SLC25A6: variants seen among roughly 807,000 people sequenced by gnomAD.
SLC25A6 encodes the protein ADP/ATP translocase 3.
Under a neutral mutation model 25.7 loss-of-function variants are expected in SLC25A6, and 9 were observed. The observed-to-expected ratio is 0.35, with a 90% CI of 0.21 to 0.61. The LOEUF (loss-of-function observed/expected upper bound fraction) is 0.61. Ranked by LOEUF, SLC25A6 falls within the 20% of genes least tolerant of loss-of-function variation. The probability of loss-of-function intolerance (pLI) is 0.76; values close to 1 mark genes in which losing one functional copy is unlikely to be tolerated. For missense variants in SLC25A6, 404 were observed against 440.5 expected (o/e 0.92, Z 0.74); for synonymous variants, 223 against 197.0 (o/e 1.13, Z -1.11).
In SLC25A6 at chrX:1,392,032, C is replaced by A. The variant is rs774301465; in HGVS notation, c.-23G>T. 1.9e-6 allele frequency: 3 copies of A among 1,567,368 alleles called. No homozygotes were observed. Among genetic ancestry groups the A allele is most frequent in the Non-Finnish European group, 2.6e-6 (3 of 1,147,148 alleles). On this transcript the variant is annotated 5_prime_UTR_variant, in exon 1 of 4. Transcript: ENST00000381401. ...CATGGTGGCAGGGCGGGCAGCGGAACGGGAGGACAGCCGGAGAACGGGCGC... is the reference window on the plus strand; with the variant it reads ...CATGGTGGCAGGGCGGGCAGCGGAAAGGGAGGACAGCCGGAGAACGGGCGC...
intron 1 of SLC25A6, 60 bp downstream of exon 1, chrX:1,391,839 C>G: frequency 8.8e-6 from 12 of 1,361,096 alleles, no homozygotes; most frequent in South Asian, 7.6e-5. Flanking sequence ...CGTCCCCGCC[C>G]GACCCGGCCA....
chrX:1,386,676 A>G lies in SLC25A6; in HGVS notation c.823T>C (p.Trp275Arg), dbSNP rs2089328928. The G allele has an allele frequency of 1.2e-6, 2 of 1,613,246 alleles. No individual in the cohort carries two copies. Among genetic ancestry groups the G allele is most frequent in the Non-Finnish European group, 1.7e-6 (2 of 1,179,530 alleles). ...CCCATGCCCCGCAGGACGTTGGACC[A>G]CGCACCCTTGAAGAAGGCCTTGCCC... ...EGGKAFFKGA[W>R]SNVLRGMGGA... Residue 275 changes from tryptophan (W) to arginine (R), a missense_variant, in exon 4 of 4, where the codon TGG becomes CGG. Coordinates refer to ENST00000381401, the MANE Select transcript of SLC25A6 (RefSeq NM_001636.4).
In SLC25A6 at chrX:1,389,566, G is replaced by C; in HGVS notation, c.273C>G (p.Phe91Leu). The change falls in exon 2 of 4, where the codon TTC becomes TTG. Residue 91 changes from phenylalanine to leucine, a missense_variant. Transcript: ENST00000381401. Reference protein sequence around the residue: ...YFPTQALNFAFKDKYKQIFLG... With the variant: ...YFPTQALNFALKDKYKQIFLG... ...GGAAGATCTGCTTGTACTTATCCTT[G>C]AAGGCGAAGTTGAGGGCTTGAGTGG... 1 of 1,614,166 alleles carries C rather than the reference G, an allele frequency of 6.2e-7. No individual in the cohort carries two copies. Among genetic ancestry groups the C allele is most frequent in the Admixed American group, 1.7e-5 (1 of 60,006 alleles).
rs11211819 is a variant in SLC25A6 at position 1,386,577 on chromosome X, G to T, written c.*25C>A. 52 of 1,522,482 alleles carry T rather than the reference G, an allele frequency of 3.4e-5. No homozygotes were observed. The highest frequency in any genetic ancestry group is 4.6e-5 in the Non-Finnish European group (52 of 1,137,250). 94.3% of individuals were successfully genotyped at this position (1,522,482 alleles called of 1,614,324 possible). Reference sequence around the variant, plus strand: ...TTCTCTTGGTTCCCCTGGTGTGTGTGTGTGTGTGGAGGAGGCCGCGGCCCT... The same window carrying T: ...TTCTCTTGGTTCCCCTGGTGTGTGTTTGTGTGTGGAGGAGGCCGCGGCCCT... On this transcript the variant is annotated 3_prime_UTR_variant, in exon 4 of 4. Transcript: ENST00000381401.
In SLC25A6 at chrX:1,389,220, C is replaced by T. The variant is rs201550393; in HGVS notation, c.598+21G>A. Reference sequence around the variant, plus strand: ...TGTGTTGAGCCCGTCTCTGGGACTTCGCGATGGCAGCCACACGTACCCTTG... The same window carrying T: ...TGTGTTGAGCCCGTCTCTGGGACTTTGCGATGGCAGCCACACGTACCCTTG... On this transcript the variant is annotated intron_variant, in intron 2 of 3. Coordinates refer to ENST00000381401, the MANE Select transcript of SLC25A6 (RefSeq NM_001636.4). The T allele has an allele frequency of 3.8e-5, 61 of 1,603,556 alleles. No individual in the cohort carries two copies. The East Asian group carries it at 8.7e-4, about 23-fold the overall frequency.
chrX:1,386,757 C>T lies in SLC25A6; in HGVS notation c.742G>A (p.Asp248Asn). ...MMMQSGRKGA[D>N]IMYTGTVDCW... is the part of the protein sequence containing the mutation. Reference sequence around the variant, plus strand: ...TCGACGGTGCCCGTGTACATGATGTCAGCTGCAACGACAGGGAGACAGTGA... The same window carrying T: ...TCGACGGTGCCCGTGTACATGATGTTAGCTGCAACGACAGGGAGACAGTGA... Residue 248 changes from aspartate to asparagine, a missense_variant and splice_region_variant, in exon 4 of 4, where the codon GAC (aspartate) becomes AAC (asparagine). By Grantham distance (23) the Asp-to-Asn change is conservative. Transcript: ENST00000381401. 6.2e-7 allele frequency: 1 copy of T among 1,602,788 alleles called. No homozygotes were observed. Among genetic ancestry groups the T allele is most frequent in the Non-Finnish European group, 8.5e-7 (1 of 1,175,440 alleles).
At chrX:1,390,082 C>A in intron 1 of SLC25A6, 1 of 332,102 alleles carries the variant, frequency 3.0e-6, no homozygotes. Flanking sequence ...TGCGATCTCA[C>A]CTCACTGCAG....
intron 3 of SLC25A6, 32 bp from the exon 4 acceptor site, chrX:1,386,791 C>T: frequency 6.3e-7 from 1 of 1,592,902 alleles, no homozygotes; most frequent in Non-Finnish European, 8.5e-7. Flanking sequence ...GAGGGCCTCG[C>T]CGCCAAGCTC....
chrX:1,386,757 C>A lies in SLC25A6; in HGVS notation c.742G>T (p.Asp248Tyr). 1 of 1,602,788 alleles carries A rather than the reference C, an allele frequency of 6.2e-7. No homozygotes were observed. The highest frequency in any genetic ancestry group is 2.2e-5 in the East Asian group (1 of 44,744). ...TCGACGGTGCCCGTGTACATGATGT[C>A]AGCTGCAACGACAGGGAGACAGTGA... is the stretch of plus-strand genomic sequence containing the variant. ...MMMQSGRKGA[D>Y]IMYTGTVDCW... is the part of the protein sequence containing the mutation. The change falls in exon 4 of 4, where the codon GAC (aspartate) becomes TAC (tyrosine). Residue 248 changes from aspartate (D) to tyrosine (Y), a missense_variant and splice_region_variant. Asp to Tyr is a radical substitution (Grantham distance 160). Transcript: ENST00000381401.
In SLC25A6 at chrX:1,386,565, C is replaced by G; in HGVS notation, c.*37G>C. ...GATTCTACGTGGTTCTCTTGGTTCCCCTGGTGTGTGTGTGTGTGTGGAGGA... is the reference window on the plus strand; with the variant it reads ...GATTCTACGTGGTTCTCTTGGTTCCGCTGGTGTGTGTGTGTGTGTGGAGGA... On this transcript the variant is annotated 3_prime_UTR_variant, in exon 4 of 4. Coordinates refer to ENST00000381401, the MANE Select transcript of SLC25A6 (RefSeq NM_001636.4). The G allele has an allele frequency of 2.7e-6, 4 of 1,482,878 alleles. No homozygotes were observed. Among genetic ancestry groups the G allele is most frequent in the Non-Finnish European group, 3.6e-6 (4 of 1,115,058 alleles). 91.9% of individuals were successfully genotyped at this position (1,482,878 alleles called of 1,614,324 possible). A position where few individuals can be genotyped will look rare whatever the true frequency, so the allele number is the denominator to read the frequency against.
intron 1 of SLC25A6, among the ~76,000 whole-genome samples, chrX:1,390,989 C>T (rs1603449706): frequency 2.6e-5 from 4 of 151,040 alleles, no homozygotes; most frequent in South Asian, 2.1e-4. Flanking sequence ...CTCAAACTCC[C>T]GGGACACGCC....
chrX:1,391,874 G>A lies in SLC25A6; in HGVS notation c.111+25C>T, dbSNP rs1444314986. On this transcript the variant is annotated intron_variant, in intron 1 of 3. Transcript: ENST00000381401. ...ACTCGGTTCCCGTCCCCTAGTCCCCGGAGCGGCCGCGCCCGCGTCCCCACC... is the reference window on the plus strand; with the variant it reads ...ACTCGGTTCCCGTCCCCTAGTCCCCAGAGCGGCCGCGCCCGCGTCCCCACC... 2.6e-6 allele frequency: 4 copies of A among 1,555,436 alleles called. No homozygotes were observed. The Admixed American group carries it at 5.7e-5, about 22-fold the overall frequency.
rs2089422784 is a variant in SLC25A6, at chrX:1,392,089, C to A, written c.-80G>T. On this transcript the variant is annotated 5_prime_UTR_variant, in exon 1 of 4. Coordinates refer to ENST00000381401, the MANE Select transcript of SLC25A6 (RefSeq NM_001636.4). ...TGAATGGAGGGCGTCGCTGGCTCAG[C>A]CCTGCCGCCGCCTGGACCGAAAGGA... 1.0e-5 allele frequency: 11 copies of A among 1,058,578 alleles called. No homozygotes were observed. The highest frequency in any genetic ancestry group is 1.5e-5 in the Non-Finnish European group (11 of 710,448). The allele number at this position is 1,058,578 out of a possible 1,614,324, so 65.6% of individuals were successfully genotyped here.
Position 1,389,243 on chromosome X carries a change from T to C in SLC25A6, c.596A>G (p.Lys199Arg), listed in dbSNP as rs756152384. The change falls in exon 2 of 4, where the codon AAG (lysine) becomes AGG (arginine). Residue 199 changes from lysine to arginine, a missense_variant and splice_region_variant. By Grantham distance (26) the Lys-to-Arg change is conservative. Transcript: ENST00000381401. ...TTCGCGATGGCAGCCACACGTACCC[T>C]TGGCCGTATCGTACACGCCGAAGTA... ...AAYFGVYDTA[K>R]GMLPDPKNTH... 2.5e-6 allele frequency: 4 copies of C among 1,611,134 alleles called. No homozygotes were observed. The Admixed American group carries it at 5.0e-5, about 20-fold the overall frequency.
chrX:1,387,541 GC>G, intron 2 of SLC25A6, 122 bp from the exon 3 acceptor site: 1 of 1,397,810 alleles, frequency 7.2e-7, no homozygotes, highest in Non-Finnish European at 9.7e-7. Flanking sequence ...GACCACCAGT[GC>G]CCCCTCCACG....
chrX:1,391,446 A>G (rs767749183), intron 1 of SLC25A6, among the ~76,000 whole-genome samples: 1 of 152,300 alleles, frequency 6.6e-6, no homozygotes, highest in Non-Finnish European at 1.5e-5. Context: ...ACCAATAACC[A>G]TATCCTGGTT....
At chrX:1,390,062 A>C in intron 1 of SLC25A6, 1 of 408,130 alleles carries the variant, frequency 2.5e-6, no homozygotes, top group Non-Finnish European at 4.5e-6. Context: ...CCCGGGTTTG[A>C]GTGTAGTGGT....
chrX:1,387,991 C>T (rs1156705645), intron 2 of SLC25A6, among the ~76,000 whole-genome samples: 2 of 151,626 alleles, frequency 1.3e-5, no homozygotes, highest in African/African-American at 2.4e-5. Flanking sequence ...CAGCCCTGCC[C>T]ACTCCTTGAT....
chrX:1,389,481 C>T lies in SLC25A6; in HGVS notation c.358G>A (p.Gly120Ser). 1.2e-6 allele frequency: 2 copies of T among 1,614,050 alleles called. No individual in the cohort carries two copies. The highest frequency in any genetic ancestry group is 2.2e-5 in the East Asian group (1 of 44,876). Residue 120 changes from glycine (G) to serine (S), a missense_variant, in exon 2 of 4, where the codon GGC becomes AGC. Gly to Ser is a moderately conservative substitution (Grantham distance 56). Transcript: ENST00000381401. The part of the protein sequence containing the change: ...WRYFAGNLAS[G>S]GAAGATSLCF... Reference sequence around the variant, plus strand: ...AGGGAGGTCGCGCCGGCCGCACCGCCGGAGGCCAGGTTGCCCGCAAAGTAC... The same window carrying T: ...AGGGAGGTCGCGCCGGCCGCACCGCTGGAGGCCAGGTTGCCCGCAAAGTAC...
Sources: allele counts gnomAD v4.1 joint callset (sites outside exome capture counted in the v4.1 genomes callset), GRCh38; gene constraint gnomAD v4.1.1; transcripts MANE v1.5; gene names NCBI Gene and HGNC (gene_info 2026-07-23, HGNC 2026-07-21).